The following TYW1 variants were observed in gnomAD, a reference collection of about 807,000 sequenced individuals.
TYW1 encodes the protein S-adenosyl-L-methionine-dependent tRNA 4-demethylwyosine synthase TYW1.
TYW1 carries 46 observed loss-of-function variants against 96.2 expected under a neutral mutation model. That is an observed-to-expected ratio of 0.48 (90% confidence interval 0.38 to 0.61). The LOEUF is 0.61. Ranked by LOEUF, TYW1 falls within the 20% of genes least tolerant of loss-of-function variation. The probability of loss-of-function intolerance (pLI) is 0.00; values close to 1 mark genes in which losing one functional copy is unlikely to be tolerated. For synonymous variants in TYW1, 274 were observed against 323.0 expected, an observed-to-expected ratio of 0.85 and a Z score of 1.63; for missense variants, 684 against 909.6, an observed-to-expected ratio of 0.75 and a Z score of 3.19.
intron 10 of TYW1, among the ~76,000 whole-genome samples, chr7:67,070,994 G>T (rs1309223937): frequency 1.3e-5 from 2 of 151,968 alleles, no homozygotes; most frequent in Non-Finnish European, 2.9e-5. Context: ...AGCCGGGCGT[G>T]GTGGTGGGCG....
intron 7 of TYW1, among the ~76,000 whole-genome samples, chr7:67,037,277 G>A (rs1467752191): frequency 1.3e-5 from 2 of 152,104 alleles, no homozygotes; most frequent in South Asian, 2.1e-4. Context: ...GGAGGCCGAG[G>A]CAGGTGGATC....
At position 67,184,591 on chromosome 7, in the gene TYW1, CATTTTATTTTATTTTATTTT is replaced by C. The variant is rs202120294; in HGVS notation, c.1809+1395_1809+1414del. 3.3e-3 allele frequency among the ~76,000 whole-genome samples: 281 copies of C among 84,202 alleles called. 29 individuals carry two copies. Among genetic ancestry groups the C allele is most frequent in the East Asian group, 0.01 (36 of 3,460 alleles). The allele number at this position is 84,202 out of a possible 152,430, so 55.2% of individuals were successfully genotyped here. A position where few individuals can be genotyped will look rare whatever the true frequency, so the allele number is the denominator to read the frequency against. The stretch of plus-strand genomic sequence containing the variant: ...TTTTAGGGAAGCTTTTCTGAGATGA[CATTTTATTTTATTTTATTTT>C]ATTTTATTTTATTTTATTTTATTTT... On this transcript the variant is annotated intron_variant, in intron 14 of 15. Transcript: ENST00000359626.
intron 14 of TYW1, among the ~76,000 whole-genome samples, chr7:67,188,222 A>C (rs981933865): frequency 2.0e-5 from 3 of 152,168 alleles, no homozygotes; most frequent in Non-Finnish European, 4.4e-5. Context: ...CGGGAGGCTG[A>C]GGCATGAGAA....
rs11330425 is a variant in TYW1, at chr7:67,105,886, CTTTTTTTTTTTTT to C, written c.1562+7180_1562+7192del. ...AACTTTTGAGAGAGGAGAGAATATT[CTTTTTTTTTTTTT>C]TTTTTTTTTTTGGAGATGGAGGAGT... On this transcript the variant is annotated intron_variant, in intron 12 of 15. Coordinates refer to ENST00000359626, the MANE Select transcript of TYW1 (RefSeq NM_018264.4). 9.8e-5 allele frequency among the ~76,000 whole-genome samples: 6 copies of C among 61,402 alleles called. No individual in the cohort carries two copies. The South Asian group carries it at 3.2e-3, about 32-fold the overall frequency. 40.3% of individuals were successfully genotyped at this position (61,402 alleles called of 152,430 possible). A position where few individuals can be genotyped will look rare whatever the true frequency, so the allele number is the denominator to read the frequency against.
intron 15 of TYW1, among the ~76,000 whole-genome samples, chr7:67,219,084 CTTCT>C (rs1395134561): frequency 2.0e-5 from 3 of 152,134 alleles, no homozygotes; most frequent in Non-Finnish European, 4.4e-5. Context: ...CCAGCTATTC[CTTCT>C]TTGTCGAGTG....
At chr7:67,063,729 T>G (rs1404284394) in intron 9 of TYW1, among the ~76,000 whole-genome samples, 1 of 151,922 alleles carries the variant, frequency 6.6e-6, no homozygotes. Flanking sequence ...TCAGCCTCCC[T>G]AGTAGCTGGG....
At chr7:67,095,679 A>G (rs1385553418) in intron 11 of TYW1, among the ~76,000 whole-genome samples, 2 of 129,644 alleles carry the variant, frequency 1.5e-5, no homozygotes, top group Non-Finnish European at 3.3e-5. Flanking sequence ...CAACAACAAC[A>G]ACAACAACAA....
intron 14 of TYW1, among the ~76,000 whole-genome samples, chr7:67,192,507 G>A (rs549077300): frequency 6.6e-6 from 1 of 152,320 alleles, no homozygotes; most frequent in East Asian, 1.9e-4. Context: ...ATGGTTGTTT[G>A]TGTAATCCAC....
At chr7:67,081,813 T>TC (rs1312453167) in intron 10 of TYW1, among the ~76,000 whole-genome samples, 10 of 149,802 alleles carry the variant, frequency 6.7e-5, no homozygotes, top group African/African-American at 2.5e-4. Context: ...TCTTTCTTCT[T>TC]CTTCCTTCCT....
Position 67,036,018 on chromosome 7 carries a change from A to G in TYW1, c.984+10996A>G, listed in dbSNP as rs112798096. On this transcript the variant is annotated intron_variant, in intron 7 of 15. Coordinates refer to ENST00000359626, the MANE Select transcript of TYW1 (RefSeq NM_018264.4). ...AGTCCAAGGCTCCCATTGTCCTCAGATCAGAATGGTTTTGATATTTCCTTT... is the reference window on the plus strand; with the variant it reads ...AGTCCAAGGCTCCCATTGTCCTCAGGTCAGAATGGTTTTGATATTTCCTTT... Among the ~76,000 whole-genome samples the G allele has an allele frequency of 5.4e-4, 78 of 144,652 alleles. 3 individuals are homozygous for G. The highest frequency in any genetic ancestry group is 9.8e-4 in the East Asian group (5 of 5,100). 94.9% of individuals were successfully genotyped at this position (144,652 alleles called of 152,430 possible). A position where few individuals can be genotyped will look rare whatever the true frequency, so the allele number is the denominator to read the frequency against.
chr7:67,151,296 G>A (rs1002334081), intron 13 of TYW1, among the ~76,000 whole-genome samples: 2 of 151,960 alleles, frequency 1.3e-5, no homozygotes, highest in African/African-American at 4.8e-5. Flanking sequence ...TGATCCACCC[G>A]CCTCAGCCTC....
intron 13 of TYW1, among the ~76,000 whole-genome samples, chr7:67,177,466 A>G (rs1035212916): frequency 6.6e-6 from 1 of 152,134 alleles, no homozygotes; most frequent in South Asian, 2.1e-4. Context: ...TACGTTTATA[A>G]CAGAGCTTTT....
chr7:67,089,491 C>T (rs898507795), intron 11 of TYW1: 1 of 969,110 alleles, frequency 1.0e-6, no homozygotes, highest in Non-Finnish European at 1.6e-6. Flanking sequence ...TTATTTACCT[C>T]ACTCTGGCTT....
intron 13 of TYW1, among the ~76,000 whole-genome samples, chr7:67,123,043 ATCT>A (rs962759168): frequency 1.2e-4 from 19 of 152,296 alleles, no homozygotes; most frequent in African/African-American, 4.1e-4. Context: ...AATGAAATAT[ATCT>A]TCTTCTTTCC....
intron 14 of TYW1, among the ~76,000 whole-genome samples, chr7:67,185,307 G>A (rs1799985785): frequency 6.6e-6 from 1 of 151,820 alleles, no homozygotes; most frequent in Non-Finnish European, 1.5e-5. Flanking sequence ...GATTTTAAAA[G>A]ATCACCCCAC....
intron 4 of TYW1, among the ~76,000 whole-genome samples, chr7:67,011,008 C>G (rs1161059431): frequency 2.0e-5 from 3 of 152,044 alleles, no homozygotes; most frequent in Admixed American, 2.0e-4. Flanking sequence ...TCAGAGAAAT[C>G]TCTTATTAGC....
chr7:67,194,523 G>A (rs1800325488), intron 14 of TYW1, among the ~76,000 whole-genome samples: 1 of 152,108 alleles, frequency 6.6e-6, no homozygotes. Flanking sequence ...CACTCAGAAG[G>A]CTGAGGCACG....
intron 11 of TYW1, among the ~76,000 whole-genome samples, chr7:67,096,353 A>G (rs564969428): frequency 6.6e-6 from 1 of 152,090 alleles, no homozygotes; most frequent in Admixed American, 6.6e-5. Flanking sequence ...TGCCACTGCA[A>G]TCCAGCCTGG....
intron 13 of TYW1, among the ~76,000 whole-genome samples, chr7:67,139,076 C>T (rs1321353252): frequency 2.0e-5 from 3 of 152,016 alleles, no homozygotes; most frequent in South Asian, 2.1e-4. Flanking sequence ...TTTATTGAGA[C>T]GGAGTCTTGC....
Sources: gnomAD v4.1 joint callset for allele counts (sites outside exome capture counted in the v4.1 genomes callset) on GRCh38, gnomAD v4.1.1 for gene constraint, MANE v1.5 for transcripts, NCBI Gene and HGNC (gene_info 2026-07-23, HGNC 2026-07-21) for gene names.